The following CSNK1G1 variants were observed in gnomAD, a reference collection of about 807,000 sequenced individuals.
CSNK1G1 encodes the protein casein kinase I isoform gamma-1.
Under a neutral mutation model 59.6 loss-of-function variants are expected in CSNK1G1, and 22 were observed. The observed-to-expected ratio is 0.37, with a 90% CI of 0.26 to 0.53. The LOEUF (loss-of-function observed/expected upper bound fraction) is 0.53, where lower values mean the gene tolerates loss of function less well. Ranked by LOEUF, CSNK1G1 falls within the 20% of genes least tolerant of loss-of-function variation. CSNK1G1 has a pLI of 0.89. For synonymous variants in CSNK1G1, 179 were observed against 177.1 expected (o/e 1.01, Z -0.08); for missense variants, 384 against 519.5 (o/e 0.74, Z 2.54).
chr15:64,353,554 G>A (rs1014352636), intron 1 of CSNK1G1, among the ~76,000 whole-genome samples: 1 of 151,478 alleles, frequency 6.6e-6, no homozygotes, highest in African/African-American at 2.4e-5. Context: ...GGCTGAGGCA[G>A]GAGAATTGCT....
chr15:64,213,117 G>C lies in CSNK1G1; in HGVS notation c.679+773C>G, dbSNP rs76203105. ...TATGGAATCTGAGAATATTCTGCTT[G>C]TCTACTCTCTAGAATGTTGATTTTC... On this transcript the variant is annotated intron_variant, in intron 6 of 11. Coordinates refer to ENST00000303052, the MANE Select transcript of CSNK1G1 (RefSeq NM_022048.5). Among the ~76,000 whole-genome samples, 1,255 of 152,202 alleles carry C rather than the reference G, an allele frequency of 8.2e-3. 17 individuals carry two copies. Among genetic ancestry groups the C allele is most frequent in the African/African-American group, 0.028 (1,176 of 41,506 alleles).
intron 2 of CSNK1G1, among the ~76,000 whole-genome samples, chr15:64,293,555 G>A (rs573428219): frequency 2.0e-5 from 3 of 152,278 alleles, no homozygotes; most frequent in African/African-American, 7.2e-5. Flanking sequence ...AATTGCAAAC[G>A]TACATATCCT....
At chr15:64,218,460 T>TTAACTGGAGTATAG (rs1555500749) in intron 4 of CSNK1G1, among the ~76,000 whole-genome samples, 2 of 152,028 alleles carry the variant, frequency 1.3e-5, no homozygotes, top group Non-Finnish European at 1.5e-5. Context: ...TGGCGCAATC[T>TTAACTGGAGTATAG]TGGCCCACTG....
chr15:64,297,475 A>G (rs1198500201), intron 2 of CSNK1G1, among the ~76,000 whole-genome samples: 2 of 152,106 alleles, frequency 1.3e-5, no homozygotes, highest in Non-Finnish European at 2.9e-5. Context: ...TTGGAAGGCC[A>G]AGGCAGGAGA....
At chr15:64,307,117 T>A (rs867286754) in intron 1 of CSNK1G1, among the ~76,000 whole-genome samples, 1 of 152,332 alleles carries the variant, frequency 6.6e-6, no homozygotes, top group South Asian at 2.1e-4. Flanking sequence ...AATAGTGTAA[T>A]ACATTCTATC....
At chr15:64,234,742 T>C (rs2082592832) in intron 4 of CSNK1G1, among the ~76,000 whole-genome samples, 1 of 152,198 alleles carries the variant, frequency 6.6e-6, no homozygotes. Context: ...TCATTTTTTT[T>C]CTCCCAGCTC....
intron 2 of CSNK1G1, among the ~76,000 whole-genome samples, chr15:64,280,625 G>A (rs934992922): frequency 1.3e-5 from 2 of 152,160 alleles, no homozygotes; most frequent in East Asian, 1.9e-4. Context: ...CTCCCAAAGT[G>A]TTAAGGATTA....
intron 4 of CSNK1G1, among the ~76,000 whole-genome samples, chr15:64,247,620 T>G (rs1891827850): frequency 6.6e-6 from 1 of 152,198 alleles, no homozygotes; most frequent in Non-Finnish European, 1.5e-5. Context: ...GTGGAAGACC[T>G]CCAACCAGAA....
intron 4 of CSNK1G1, among the ~76,000 whole-genome samples, chr15:64,228,702 C>T (rs1185169085): frequency 1.3e-5 from 2 of 152,086 alleles, no homozygotes; most frequent in African/African-American, 2.4e-5. Flanking sequence ...CAGTGTACTG[C>T]AACTTCATTT....
Position 64,307,491 on chromosome 15 carries a change from A to G in CSNK1G1, c.-224-6768T>C, listed in dbSNP as rs999068569. ...CACTTTGGGAGGCTGAGGCAGGTGGATCACTTGAGGCCAGGAGTTCAAGAC... is the reference window on the plus strand; with the variant it reads ...CACTTTGGGAGGCTGAGGCAGGTGGGTCACTTGAGGCCAGGAGTTCAAGAC... On this transcript the variant is annotated intron_variant, in intron 1 of 11. Transcript: ENST00000303052. 2.6e-5 allele frequency among the ~76,000 whole-genome samples: 4 copies of G among 152,216 alleles called. No homozygotes were observed. The East Asian group carries it at 7.7e-4, about 29-fold the overall frequency.
chr15:64,250,003 G>T (rs1891986833), intron 4 of CSNK1G1, among the ~76,000 whole-genome samples: 1 of 152,138 alleles, frequency 6.6e-6, no homozygotes, highest in Non-Finnish European at 1.5e-5. Flanking sequence ...CTGACCCTTG[G>T]ATTTATGAGA....
chr15:64,326,236 G>A (rs1487701316), intron 1 of CSNK1G1, among the ~76,000 whole-genome samples: 1 of 152,130 alleles, frequency 6.6e-6, no homozygotes, highest in African/African-American at 2.4e-5. Context: ...ATGTTGCTCA[G>A]GCCAGTCTCG....
intron 2 of CSNK1G1, among the ~76,000 whole-genome samples, chr15:64,261,295 A>G (rs923816649): frequency 2.6e-5 from 4 of 152,160 alleles, no homozygotes; most frequent in African/African-American, 9.7e-5. Context: ...GAGCATTGTT[A>G]CTGTGACTTA....
chr15:64,258,816 T>C (rs1892534237), intron 3 of CSNK1G1, among the ~76,000 whole-genome samples: 1 of 152,182 alleles, frequency 6.6e-6, no homozygotes, highest in South Asian at 2.1e-4. Context: ...TGATCAGTTA[T>C]GATTTTCTTC....
intron 2 of CSNK1G1, among the ~76,000 whole-genome samples, chr15:64,298,740 T>C (rs554032971): frequency 6.6e-6 from 1 of 152,160 alleles, no homozygotes; most frequent in East Asian, 1.9e-4. Context: ...CCATCACAAG[T>C]AGCAGAGGTG....
intron 1 of CSNK1G1, among the ~76,000 whole-genome samples, chr15:64,339,336 A>G (rs1458549480): frequency 6.6e-6 from 1 of 152,002 alleles, no homozygotes; most frequent in Non-Finnish European, 1.5e-5. Flanking sequence ...GTTTTGAGGT[A>G]GAGTCTCACT....
At chr15:64,245,805 A>G (rs1891720604) in intron 4 of CSNK1G1, among the ~76,000 whole-genome samples, 1 of 152,100 alleles carries the variant, frequency 6.6e-6, no homozygotes, top group Non-Finnish European at 1.5e-5. Context: ...CATTTGCAGC[A>G]ACACAGATGG....
In CSNK1G1 at chr15:64,210,637, G is replaced by A. The variant is rs1367299308; in HGVS notation, c.680-3043C>T. On this transcript the variant is annotated intron_variant, in intron 6 of 11. Coordinates refer to ENST00000303052, the MANE Select transcript of CSNK1G1 (RefSeq NM_022048.5). This position sits in a 1 kb window ranked among gnomAD's most constrained non-coding sequence, Gnocchi z 4.2. The stretch of plus-strand genomic sequence containing the variant: ...TTTTAGGTTAAATATATTTGTTGAA[G>A]GCAGGGAGCAAGGTAACCCAGTGTT... Among the ~76,000 whole-genome samples, 2 of 152,076 alleles carry A rather than the reference G, an allele frequency of 1.3e-5. No homozygotes were observed. The highest frequency in any genetic ancestry group is 3.8e-4 in the East Asian group (2 of 5,198).
intron 1 of CSNK1G1, among the ~76,000 whole-genome samples, chr15:64,317,732 A>C (rs551972277): frequency 6.6e-6 from 1 of 152,294 alleles, no homozygotes; most frequent in East Asian, 1.9e-4. Flanking sequence ...TCCTGGCTTC[A>C]AACAATCCTT....
Sources: gnomAD v4.1 joint callset for allele counts (sites outside exome capture counted in the v4.1 genomes callset) on GRCh38, gnomAD v4.1.1 for gene constraint, Gnocchi (gnomAD v3.1) non-coding constraint, MANE v1.5 for transcripts, NCBI Gene and HGNC (gene_info 2026-07-23, HGNC 2026-07-21) for gene names.